Variants in MYO16 observed in about 807,000 individuals in gnomAD.
MYO16 encodes myosin XVI.
A neutral mutation model predicts 205.3 loss-of-function variants in MYO16; 94 were observed. That is an observed-to-expected ratio of 0.46 (90% CI 0.39 to 0.54). The LOEUF (loss-of-function observed/expected upper bound fraction) is 0.54, where lower values mean the gene tolerates loss of function less well. Among genes scored for constraint, MYO16 ranks in the 20% least tolerant of loss-of-function variants. The pLI is 0.00. For missense variants in MYO16, 2,315 were observed against 2,387.5 expected (o/e 0.97, Z 0.63); for synonymous variants, 988 against 954.0 (o/e 1.04, Z -0.66).
chr13:108,524,317 AAT>A, the MYO16 span, among the ~76,000 whole-genome samples: 248 of 69,230 alleles, frequency 3.6e-3, no homozygotes, highest in Non-Finnish European at 6.3e-3. Context: ...AAAAAAAATA[AAT>A]AAATAAATAA....
At chr13:109,049,958 G>A (rs1005460442) in intron 24 of MYO16, among the ~76,000 whole-genome samples, 1 of 146,006 alleles carries the variant, frequency 6.8e-6, no homozygotes, top group Non-Finnish European at 1.5e-5. Context: ...GTGTGTGTGT[G>A]TGTGTGTGTG....
At chr13:108,759,769 G>C (rs9587675) in intron 4 of MYO16, among the ~76,000 whole-genome samples, 1 of 149,958 alleles carries the variant, frequency 6.7e-6, no homozygotes, top group South Asian at 2.1e-4. Flanking sequence ...GCAGTGAGCC[G>C]AGATCGCGCC....
Position 109,206,861 on chromosome 13 carries a change from A to G in MYO16, c.*25A>G. On this transcript the variant is annotated 3_prime_UTR_variant, in exon 35 of 35. Transcript: ENST00000457511. ...ATGTGGCCTGAACTGCAGACTTACA[A>G]AATAGAACTGCCTACTGATTCCGGG... The G allele has an allele frequency of 6.3e-7, 1 of 1,596,180 alleles. No individual in the cohort carries two copies. The highest frequency in any genetic ancestry group is 8.6e-7 in the Non-Finnish European group (1 of 1,166,322).
intron 10 of MYO16, chr13:108,855,217 C>T (rs9521074): frequency 0.29 from 109,241 of 370,876 alleles, 19,081 homozygotes; most frequent in Non-Finnish European, 0.35. Flanking sequence ...TGTGCACCTG[C>T]ACACTGGGGA....
At chr13:108,672,595 G>A (rs1268276482) in intron 2 of MYO16, among the ~76,000 whole-genome samples, 2 of 151,730 alleles carry the variant, frequency 1.3e-5, no homozygotes, top group Non-Finnish European at 2.9e-5. Flanking sequence ...TTATTGTTCT[G>A]GGAGTTGGTG....
At chr13:108,635,926 C>G (rs1039375516) in intron 1 of MYO16, among the ~76,000 whole-genome samples, 1 of 152,074 alleles carries the variant, frequency 6.6e-6, no homozygotes, top group East Asian at 1.9e-4. Context: ...TTTGGGTAGC[C>G]TATTTATTCT....
At chr13:108,618,617 G>A (rs1023541464) in intron 1 of MYO16, among the ~76,000 whole-genome samples, 4 of 152,188 alleles carry the variant, frequency 2.6e-5, no homozygotes, top group Non-Finnish European at 4.4e-5. Flanking sequence ...CTGATTTGCT[G>A]TGCTGGGAAA....
At chr13:108,771,693 G>A (rs12857877) in intron 4 of MYO16, among the ~76,000 whole-genome samples, 12,120 of 152,132 alleles carry the variant, frequency 0.08, 618 homozygotes, top group Non-Finnish European at 0.12. Flanking sequence ...CGATCTTTCT[G>A]TTGTCTCCAT....
chr13:109,070,084 G>A (rs905148915), intron 27 of MYO16, among the ~76,000 whole-genome samples: 2 of 152,152 alleles, frequency 1.3e-5, no homozygotes, highest in African/African-American at 4.8e-5. Context: ...AAAGACAATG[G>A]TGATTTTATA....
At position 108,752,807 on chromosome 13, in the gene MYO16, A is replaced by AATC. The variant is rs1885280824; in HGVS notation, c.507+25226_507+25227insCAT. 1.5e-4 allele frequency among the ~76,000 whole-genome samples: 4 copies of AATC among 26,300 alleles called. 1 individual carries two copies. Among genetic ancestry groups the AATC allele is most frequent in the Non-Finnish European group, 3.8e-4 (4 of 10,508 alleles). The allele number at this position is 26,300 out of a possible 152,430, so 17.3% of individuals were successfully genotyped here. The stretch of plus-strand genomic sequence containing the variant: ...CAGACACCTGCCACCGTGCCCAGCT[A>AATC]ATTTTTTTTTTTTTTTTTTTTTTTT... On this transcript the variant is annotated intron_variant, in intron 4 of 34. Coordinates refer to ENST00000457511, the MANE Select transcript of MYO16 (RefSeq NM_001198950.3).
intron 9 of MYO16, among the ~76,000 whole-genome samples, chr13:108,835,785 C>T (rs390383): frequency 0.6 from 90,723 of 151,980 alleles, 28,313 homozygotes; most frequent in Middle Eastern, 0.72. Flanking sequence ...CATTTTGCCA[C>T]GCCCTAAAGA....
In MYO16 at chr13:109,127,732, CT is replaced by C; in HGVS notation, c.4051+183del. On this transcript the variant is annotated intron_variant, in intron 31 of 34. Coordinates refer to ENST00000457511, the MANE Select transcript of MYO16 (RefSeq NM_001198950.3). This position sits in a 1 kb window ranked among gnomAD's most constrained non-coding sequence, Gnocchi z 4.2. ...ATAATATTTATTCAAATCTCTAAGC[CT>C]CTTAGGGAAAAGCTACTTACATGGC... is the stretch of plus-strand genomic sequence containing the variant. 1 of 623,410 alleles carries C rather than the reference CT, an allele frequency of 1.6e-6. No homozygotes were observed. Among genetic ancestry groups the C allele is most frequent in the Non-Finnish European group, 2.6e-6 (1 of 385,818 alleles). The allele number at this position is 623,410 out of a possible 1,614,324, so 38.6% of individuals were successfully genotyped here. A position where few individuals can be genotyped will look rare whatever the true frequency, so the allele number is the denominator to read the frequency against.
chr13:108,752,406 C>T (rs75804865), intron 4 of MYO16, among the ~76,000 whole-genome samples: 3 of 152,104 alleles, frequency 2.0e-5, no homozygotes, highest in Admixed American at 6.5e-5. Context: ...GGCACAGATT[C>T]GTACAAAGGT....
intron 21 of MYO16, among the ~76,000 whole-genome samples, chr13:109,005,807 C>G (rs936216657): frequency 1.3e-5 from 2 of 152,206 alleles, no homozygotes; most frequent in Non-Finnish European, 1.5e-5. Flanking sequence ...ATGTTCTGCT[C>G]TTTCATATGT....
the MYO16 span, among the ~76,000 whole-genome samples, chr13:108,522,594 A>C: frequency 6.6e-6 from 1 of 152,186 alleles, no homozygotes; most frequent in South Asian, 2.1e-4. Flanking sequence ...GGTGTCTAGA[A>C]GTCCAAGATC....
the MYO16 span, among the ~76,000 whole-genome samples, chr13:108,536,524 C>G: frequency 1.3e-5 from 2 of 151,998 alleles, no homozygotes; most frequent in African/African-American, 4.8e-5. Flanking sequence ...GCTCTGTAAC[C>G]TTGGACAAGT....
At chr13:108,896,415 A>C (rs778201667) in intron 14 of MYO16, among the ~76,000 whole-genome samples, 1 of 152,146 alleles carries the variant, frequency 6.6e-6, no homozygotes, top group African/African-American at 2.4e-5. Context: ...CACTGCTATC[A>C]ATTTACTTTT....
rs930012784 is a variant in MYO16, at chr13:109,131,663, T to C, written c.4051+4113T>C. On this transcript the variant is annotated intron_variant, in intron 31 of 34. Transcript: ENST00000457511. The stretch of plus-strand genomic sequence containing the variant: ...TTTTGTTAGGTCAGTGCAAAAGGAA[T>C]TGTGGTTTTTGCCATTGAATAAAAG... Among the ~76,000 whole-genome samples the C allele has an allele frequency of 8.5e-5, 13 of 152,314 alleles. 1 individual carries two copies. In the South Asian group the frequency reaches 2.5e-3, roughly 29 times the overall value.
the MYO16 span, among the ~76,000 whole-genome samples, chr13:108,543,485 A>T: frequency 6.6e-6 from 1 of 151,854 alleles, no homozygotes; most frequent in Non-Finnish European, 1.5e-5. Flanking sequence ...TCTACAAAAA[A>T]TAAAAACTTA....
Sources: gnomAD v4.1 joint callset for allele counts (sites outside exome capture counted in the v4.1 genomes callset) on GRCh38, gnomAD v4.1.1 for gene constraint, Gnocchi (gnomAD v3.1) non-coding constraint, MANE v1.5 for transcripts, NCBI Gene and HGNC (gene_info 2026-07-23, HGNC 2026-07-21) for gene names.